AHCY: variants seen among roughly 807,000 people sequenced by gnomAD.
AHCY encodes the protein adenosylhomocysteinase.
A neutral mutation model predicts 45.4 loss-of-function variants in AHCY; 24 were observed. The ratio of observed to expected loss-of-function variants is 0.53; its 90% CI spans 0.38 to 0.74. The LOEUF (loss-of-function observed/expected upper bound fraction) is 0.74, where lower values mean the gene tolerates loss of function less well. Among genes scored for constraint, AHCY ranks in the 30% least tolerant of loss-of-function variants. The probability of loss-of-function intolerance (pLI) is 0.00; values close to 1 mark genes in which losing one functional copy is unlikely to be tolerated. For missense variants in AHCY, 449 were observed against 594.1 expected (o/e 0.76, Z 2.54); for synonymous variants, 245 against 235.1 (o/e 1.04, Z -0.39).
At chr20:34,291,272 C>T (rs1408060817) in intron 5 of AHCY, 147 bp downstream of exon 5, 3 of 777,300 alleles carry the variant, frequency 3.9e-6, no homozygotes, top group Non-Finnish European at 6.8e-6. Flanking sequence ...CTTTTAAACG[C>T]ACTCATTAGC....
chr20:34,311,208 T>C (rs1212859399), intron 1 of AHCY, among the ~76,000 whole-genome samples: 1 of 152,190 alleles, frequency 6.6e-6, no homozygotes, highest in Non-Finnish European at 1.5e-5. Context: ...GTGCGCCTAG[T>C]ATGCGATTAT....
chr20:34,302,776 T>A, intron 1 of AHCY: 1 of 993,668 alleles, frequency 1.0e-6, no homozygotes, highest in Non-Finnish European at 1.2e-6. Context: ...GGGGCTCGCT[T>A]TCCAGGCCTC....
At chr20:34,262,732 T>G in the AHCY span, 1 of 1,340,598 alleles carries the variant, frequency 7.5e-7, no homozygotes, top group Non-Finnish European at 1.1e-6. Flanking sequence ...CTCCTCTCCC[T>G]GACCTTGTGA....
At chr20:34,238,074 T>C in the AHCY span, among the ~76,000 whole-genome samples, 1 of 152,230 alleles carries the variant, frequency 6.6e-6, no homozygotes, top group Non-Finnish European at 1.5e-5. Flanking sequence ...TCCAAGATTT[T>C]ATCTTTGGTT....
At chr20:34,286,656 A>C (rs1368547066) in intron 8 of AHCY, among the ~76,000 whole-genome samples, 2 of 151,864 alleles carry the variant, frequency 1.3e-5, no homozygotes, top group East Asian at 3.9e-4. Flanking sequence ...CAACATGGAG[A>C]AACCCTGTCT....
chr20:34,297,153 C>T (rs529612093), intron 1 of AHCY, among the ~76,000 whole-genome samples: 7 of 151,980 alleles, frequency 4.6e-5, no homozygotes, highest in Non-Finnish European at 7.4e-5. Flanking sequence ...TTCTAGTGTC[C>T]CTTCTACCCC....
At chr20:34,237,668 G>A in the AHCY span, among the ~76,000 whole-genome samples, 1 of 152,074 alleles carries the variant, frequency 6.6e-6, no homozygotes, top group African/African-American at 2.4e-5. Flanking sequence ...ATTGTTCTAG[G>A]TAGAACTTCC....
At chr20:34,295,828 C>A (rs1009476521) in intron 1 of AHCY, among the ~76,000 whole-genome samples, 1 of 152,150 alleles carries the variant, frequency 6.6e-6, no homozygotes, top group Non-Finnish European at 1.5e-5. Context: ...CACAGGGACA[C>A]AAAAATTACA....
the AHCY span, among the ~76,000 whole-genome samples, chr20:34,245,733 G>A: frequency 6.6e-6 from 1 of 151,758 alleles, no homozygotes; most frequent in Admixed American, 6.6e-5. Context: ...TCATGCATGA[G>A]CATGACAGTC....
At chr20:34,264,214 T>C in the AHCY span, among the ~76,000 whole-genome samples, 6 of 151,844 alleles carry the variant, frequency 4.0e-5, no homozygotes, top group African/African-American at 1.2e-4. Context: ...AGAAAGAAAA[T>C]AACCAAATGT....
chr20:34,285,956 T>G, intron 8 of AHCY: 1 of 339,218 alleles, frequency 2.9e-6, no homozygotes. Flanking sequence ...ATACAAAAAA[T>G]TAGCCGGGCG....
At chr20:34,233,898 T>C in the AHCY span, among the ~76,000 whole-genome samples, 2 of 152,162 alleles carry the variant, frequency 1.3e-5, no homozygotes, top group African/African-American at 4.8e-5. Context: ...ATGTCACCAA[T>C]TTACCAGGAG....
intron 1 of AHCY, among the ~76,000 whole-genome samples, chr20:34,297,776 C>T (rs1279023641): frequency 2.0e-5 from 3 of 152,098 alleles, no homozygotes; most frequent in African/African-American, 4.8e-5. Context: ...GCCACTTTTC[C>T]CCTATGGAAT....
intron 9 of AHCY, among the ~76,000 whole-genome samples, chr20:34,282,128 CT>C (rs1358427601): frequency 6.7e-6 from 1 of 148,804 alleles, no homozygotes; most frequent in Non-Finnish European, 1.5e-5. Flanking sequence ...TGATTCCTTT[CT>C]AATGAATAGA....
At chr20:34,299,836 C>T (rs1049308873) in intron 1 of AHCY, among the ~76,000 whole-genome samples, 7 of 152,178 alleles carry the variant, frequency 4.6e-5, no homozygotes, top group Non-Finnish European at 8.8e-5. Context: ...GTTTTTGGCT[C>T]AACAAGTGAA....
At chr20:34,235,835 A>AGG in the AHCY span, among the ~76,000 whole-genome samples, 5 of 67,740 alleles carry the variant, frequency 7.4e-5, no homozygotes, top group African/African-American at 8.0e-4. Context: ...GAAAGAAAGA[A>AGG]AGAAAGAAGG....
At chr20:34,257,070 CTTTTT>C in the AHCY span, among the ~76,000 whole-genome samples, 1 of 139,426 alleles carries the variant, frequency 7.2e-6, no homozygotes, top group African/African-American at 2.6e-5. Context: ...CTTTCTTTCT[CTTTTT>C]TTTTTTTGTT....
downstream of AHCY, among the ~76,000 whole-genome samples, chr20:34,277,887 C>A (rs2035922795): frequency 6.6e-6 from 1 of 152,228 alleles, no homozygotes; most frequent in East Asian, 1.9e-4. Context: ...AGCAGCAGAC[C>A]CAGGGCTCCT....
the AHCY span, among the ~76,000 whole-genome samples, chr20:34,240,934 G>T: frequency 6.6e-6 from 1 of 152,128 alleles, no homozygotes; most frequent in Non-Finnish European, 1.5e-5. Context: ...AAGGCATGAC[G>T]TTTGCTTGGC....
Sources: gnomAD v4.1 joint callset for allele counts (sites outside exome capture counted in the v4.1 genomes callset) on GRCh38, gnomAD v4.1.1 for gene constraint, MANE v1.5 for transcripts, NCBI Gene and HGNC (gene_info 2026-07-23, HGNC 2026-07-21) for gene names.